AOPEP: variants seen among roughly 807,000 people sequenced by gnomAD.
AOPEP encodes aminopeptidase O.
In AOPEP, 77 loss-of-function variants were observed where a neutral mutation model predicts 98.1. The observed-to-expected ratio is 0.78, with a 90% confidence interval of 0.65 to 0.95. The LOEUF (loss-of-function observed/expected upper bound fraction) is 0.95, where lower values mean the gene tolerates loss of function less well. Ranked by LOEUF, AOPEP falls within the 40% of genes least tolerant of loss-of-function variation. The pLI is 0.00. For synonymous variants in AOPEP, 346 were observed against 365.3 expected, an observed-to-expected ratio of 0.95 and a Z score of 0.60; for missense variants, 1,024 against 1,024.7, an observed-to-expected ratio of 1.00 and a Z score of 0.01.
chr9:94,840,508 T>C (rs2042147867), intron 5 of AOPEP, among the ~76,000 whole-genome samples: 2 of 152,248 alleles, frequency 1.3e-5, no homozygotes, highest in Admixed American at 6.5e-5. Context: ...TCTGGCCTTA[T>C]AAACTGAGTT....
chr9:94,862,491 C>G (rs1289418011), intron 5 of AOPEP, among the ~76,000 whole-genome samples: 1 of 152,206 alleles, frequency 6.6e-6, no homozygotes, highest in Non-Finnish European at 1.5e-5. Flanking sequence ...GTCTGGTTGA[C>G]CTCCTTCCAG....
chr9:94,848,732 C>T (rs530679465), intron 5 of AOPEP, among the ~76,000 whole-genome samples: 2 of 151,954 alleles, frequency 1.3e-5, no homozygotes, highest in Non-Finnish European at 2.9e-5. Flanking sequence ...AATGCCCTAC[C>T]AAGCTAATAG....
chr9:95,081,616 C>CA (rs1295580878), intron 15 of AOPEP, among the ~76,000 whole-genome samples: 1 of 152,156 alleles, frequency 6.6e-6, no homozygotes, highest in Non-Finnish European at 1.5e-5. Flanking sequence ...GAAGAAATGT[C>CA]ACATTTGCAC....
intron 2 of AOPEP, among the ~76,000 whole-genome samples, chr9:94,761,907 A>G (rs550083780): frequency 6.6e-6 from 1 of 152,314 alleles, no homozygotes; most frequent in African/African-American, 2.4e-5. Flanking sequence ...GGGAATTTCA[A>G]TACAATATAA....
chr9:94,852,297 A>G, intron 5 of AOPEP, among the ~76,000 whole-genome samples: 1 of 152,172 alleles, frequency 6.6e-6, no homozygotes, highest in African/African-American at 2.4e-5. Context: ...TCCCCAGATG[A>G]TTTTAATGAG....
At chr9:94,880,954 A>T (rs996369885) in intron 5 of AOPEP, among the ~76,000 whole-genome samples, 3 of 152,222 alleles carry the variant, frequency 2.0e-5, no homozygotes, top group African/African-American at 7.2e-5. Context: ...ACAAGGGGCT[A>T]CTAGTTTGGA....
At chr9:95,090,768 A>G (rs750324230), downstream of AOPEP, among the ~76,000 whole-genome samples, 2 of 152,238 alleles carry the variant, frequency 1.3e-5, no homozygotes, top group African/African-American at 2.4e-5. Flanking sequence ...GGGAGGATAC[A>G]GGAAAGAAAC....
At chr9:95,119,306 T>A in the AOPEP span, among the ~76,000 whole-genome samples, 1 of 152,172 alleles carries the variant, frequency 6.6e-6, no homozygotes, top group Non-Finnish European at 1.5e-5. Context: ...TATACATATA[T>A]TACAAATATT....
intron 5 of AOPEP, among the ~76,000 whole-genome samples, chr9:94,827,789 A>G (rs2134362038): frequency 6.6e-6 from 1 of 152,314 alleles, no homozygotes; most frequent in Admixed American, 6.5e-5. Context: ...TTTCAAGATC[A>G]AAGGCCTACT....
At chr9:94,860,490 G>C (rs2044799330) in intron 5 of AOPEP, among the ~76,000 whole-genome samples, 1 of 152,172 alleles carries the variant, frequency 6.6e-6, no homozygotes, top group Non-Finnish European at 1.5e-5. Context: ...AGGAGTAGTG[G>C]CAGTGGAATG....
intron 13 of AOPEP, among the ~76,000 whole-genome samples, chr9:95,016,282 G>A (rs2062989024): frequency 8.2e-6 from 1 of 121,924 alleles, no homozygotes; most frequent in Non-Finnish European, 1.6e-5. Context: ...ATTCTCTATC[G>A]CCCAGGCTGG....
chr9:94,874,052 AT>A (rs2135696394), intron 5 of AOPEP, among the ~76,000 whole-genome samples: 1 of 152,310 alleles, frequency 6.6e-6, no homozygotes, highest in East Asian at 1.9e-4. Context: ...ACTATGTTTT[AT>A]TTTGTGATCA....
chr9:95,006,712 A>C (rs556294595), intron 13 of AOPEP, among the ~76,000 whole-genome samples: 8 of 151,980 alleles, frequency 5.3e-5, no homozygotes, highest in Non-Finnish European at 1.0e-4. Context: ...AGAATAATAG[A>C]AAAAGTTGTG....
chr9:95,084,260 T>C (rs1410253876), intron 16 of AOPEP, among the ~76,000 whole-genome samples: 2 of 152,250 alleles, frequency 1.3e-5, no homozygotes, highest in Non-Finnish European at 2.9e-5. Flanking sequence ...GAAAACCATT[T>C]CTGTGTAACG....
At chr9:95,132,905 A>G in the AOPEP span, among the ~76,000 whole-genome samples, 3 of 152,218 alleles carry the variant, frequency 2.0e-5, no homozygotes, top group Non-Finnish European at 4.4e-5. Context: ...GCATAGTCCC[A>G]AGAGAGAGAA....
At chr9:94,733,669 T>TG (rs1831084808) in intron 1 of AOPEP, among the ~76,000 whole-genome samples, 1 of 152,222 alleles carries the variant, frequency 6.6e-6, no homozygotes, top group South Asian at 2.1e-4. Context: ...ACTTCCTAAT[T>TG]CATTTCAATA....
At chr9:94,932,150 A>C in intron 7 of AOPEP, 1 of 999,432 alleles carries the variant, frequency 1.0e-6, no homozygotes, top group Non-Finnish European at 1.2e-6. Context: ...ATAAAAAAAC[A>C]AACAAACAAA....
At position 95,021,472 on chromosome 9, in the gene AOPEP, T is replaced by G. The variant is rs556902225; in HGVS notation, c.2115+15856T>G. ...CCTTGAGTCTTTATTGAAGATTAAT[T>G]TAATGACTTGGTCAACAATAGCATT... On this transcript the variant is annotated intron_variant, in intron 13 of 16. Transcript: ENST00000375315. Among the ~76,000 whole-genome samples, 311 of 152,320 alleles carry G rather than the reference T, an allele frequency of 2.0e-3. 3 individuals are homozygous for G. The highest frequency in any genetic ancestry group is 7.1e-3 in the African/African-American group (294 of 41,566).
At chr9:94,750,990 G>A (rs1017560421) in intron 1 of AOPEP, among the ~76,000 whole-genome samples, 2 of 151,914 alleles carry the variant, frequency 1.3e-5, no homozygotes, top group South Asian at 2.1e-4. Flanking sequence ...CTCGTGATCC[G>A]CCCACCTTGG....
Sources: gnomAD v4.1 joint callset for allele counts (sites outside exome capture counted in the v4.1 genomes callset) on GRCh38, gnomAD v4.1.1 for gene constraint, MANE v1.5 for transcripts, NCBI Gene and HGNC (gene_info 2026-07-23, HGNC 2026-07-21) for gene names.